The following RGS10 variants were observed in gnomAD, a reference collection of about 807,000 sequenced individuals.
RGS10 encodes the protein regulator of G-protein signalling 10.
Under a neutral mutation model 23.5 loss-of-function variants are expected in RGS10, and 11 were observed. The observed-to-expected ratio is 0.47, with a 90% CI of 0.29 to 0.77. The LOEUF (loss-of-function observed/expected upper bound fraction) is 0.77. RGS10 is among the 30% of genes least tolerant of loss of function. RGS10 has a pLI of 0.08. For missense variants in RGS10, 180 were observed against 226.3 expected, an observed-to-expected ratio of 0.80 and a Z score of 1.31; for synonymous variants, 77 against 83.2, an observed-to-expected ratio of 0.92 and a Z score of 0.41.
intron 1 of RGS10, among the ~76,000 whole-genome samples, chr10:119,537,330 C>T (rs571257959): frequency 4.8e-5 from 7 of 145,964 alleles, no homozygotes; most frequent in South Asian, 2.1e-4. Context: ...TGCCGTGAGC[C>T]GAGATTGCGC....
intron 1 of RGS10, chr10:119,536,506 A>G (rs2133961406): frequency 1.2e-6 from 2 of 1,610,934 alleles, no homozygotes; most frequent in East Asian, 4.5e-5. Context: ...CACGCAGACC[A>G]ACAATCCACT....
At position 119,526,084 on chromosome 10, in the gene RGS10, A is replaced by C; in HGVS notation, c.203T>G (p.Val68Gly). The C allele has an allele frequency of 6.3e-7, 1 of 1,581,800 alleles. No homozygotes were observed. Among genetic ancestry groups the C allele is most frequent in the Non-Finnish European group, 8.6e-7 (1 of 1,160,946 alleles). The stretch of plus-strand genomic sequence containing the variant: ...ATCTTCACATGCTAGCCAAAACAAA[A>C]CATTTTCTTCACTGAATTCCTTTTT... ...FLKKEFSEEN[V>G]LFWLACEDFK... is the part of the protein sequence containing the mutation. Residue 68 changes from valine to glycine, a missense_variant, in exon 3 of 5, where the codon GTT becomes GGT. Physicochemically the swap from Val to Gly is moderately radical, Grantham distance 109 (BLOSUM62 -3). Transcript: ENST00000369103.
chr10:119,537,201 C>A (rs999548035), intron 1 of RGS10, among the ~76,000 whole-genome samples: 3 of 151,618 alleles, frequency 2.0e-5, no homozygotes, highest in Admixed American at 1.3e-4. Context: ...GAGACCAGCC[C>A]GACCAATGTG....
In RGS10 at chr10:119,500,230, G is replaced by A; in HGVS notation, c.429C>T (p.Tyr143=). ...ACAAGTCAGACTTTAAGAAGCGGCT[G>A]TAGCTGTCGTACTTCATGAGATTAA... is the stretch of plus-strand genomic sequence containing the variant. The part of the protein sequence containing the change: ...QIFNLMKYDS[Y]SRFLKSDLFL... Residue 143 remains tyrosine, a synonymous_variant, in exon 5 of 5, where the codon TAC becomes TAT. Coordinates refer to ENST00000369103, the MANE Select transcript of RGS10 (RefSeq NM_001005339.2). 1 of 1,613,760 alleles carries A rather than the reference G, an allele frequency of 6.2e-7. No individual in the cohort carries two copies. The highest frequency in any genetic ancestry group is 8.5e-7 in the Non-Finnish European group (1 of 1,179,946).
chr10:119,500,337 T>A, intron 4 of RGS10, 78 bp from the exon 5 acceptor site: 2 of 1,317,868 alleles, frequency 1.5e-6, no homozygotes, highest in East Asian at 4.7e-5. Flanking sequence ...TATGTATTAA[T>A]ACCTACCATG....
intron 1 of RGS10, among the ~76,000 whole-genome samples, chr10:119,534,189 G>C (rs982137095): frequency 9.9e-5 from 15 of 151,690 alleles, no homozygotes; most frequent in Admixed American, 7.9e-4. Context: ...CCGGGAGGCG[G>C]AGGTTGCAGT....
At chr10:119,541,314 C>G (rs116555178) in intron 1 of RGS10, among the ~76,000 whole-genome samples, 56 of 152,314 alleles carry the variant, frequency 3.7e-4, no homozygotes, top group African/African-American at 1.3e-3. Context: ...TTTACATGAC[C>G]ACTAACGCTA....
rs950026259 is a variant in RGS10, at chr10:119,524,663, C to T, written c.255+1369G>A. Among the ~76,000 whole-genome samples, 7 of 152,160 alleles carry T rather than the reference C, an allele frequency of 4.6e-5. No individual in the cohort carries two copies. Among genetic ancestry groups the T allele is most frequent in the Non-Finnish European group, 5.9e-5 (4 of 68,018 alleles). On this transcript the variant is annotated intron_variant, in intron 3 of 4. Transcript: ENST00000369103. This position sits in a 1 kb window ranked among gnomAD's most constrained non-coding sequence, Gnocchi z 5.2. ...AAAGCATCCCCCACCACCTGCTTCT[C>T]ACTTTCCCCTGGGGCCCCTCTCTGC...
At chr10:119,519,717 C>T (rs1844191436) in intron 3 of RGS10, among the ~76,000 whole-genome samples, 1 of 141,596 alleles carries the variant, frequency 7.1e-6, no homozygotes, top group Non-Finnish European at 1.5e-5. Context: ...CCCCCAGCTC[C>T]TGTCTCCCTG....
chr10:119,500,049 C>A lies in RGS10; in HGVS notation c.*64G>T, dbSNP rs577887280. 3.9e-6 allele frequency: 6 copies of A among 1,549,392 alleles called. No individual in the cohort carries two copies. Among genetic ancestry groups the A allele is most frequent in the African/African-American group, 1.4e-5 (1 of 72,460 alleles). On this transcript the variant is annotated 3_prime_UTR_variant, in exon 5 of 5. Coordinates refer to ENST00000369103, the MANE Select transcript of RGS10 (RefSeq NM_001005339.2). ...ACAAATAACAAAGCAATGATAAACC[C>A]GGCACGGTCCTGAGAGGAAATTCCT...
intron 1 of RGS10, among the ~76,000 whole-genome samples, chr10:119,534,286 A>G: frequency 9.3e-6 from 1 of 107,224 alleles, no homozygotes; most frequent in Non-Finnish European, 2.4e-5. Flanking sequence ...TAAATAAATA[A>G]ATAAATAAAT....
At chr10:119,506,609 G>C (rs1844015806) in intron 4 of RGS10, among the ~76,000 whole-genome samples, 1 of 152,228 alleles carries the variant, frequency 6.6e-6, no homozygotes, top group African/African-American at 2.4e-5. Context: ...TCTGCTGGGG[G>C]TGAAGGCATT....
intron 4 of RGS10, among the ~76,000 whole-genome samples, chr10:119,513,408 C>T (rs138331069): frequency 5.3e-5 from 8 of 152,048 alleles, no homozygotes; most frequent in Admixed American, 2.6e-4. Context: ...TGCACTGAGC[C>T]GGGTTCATGC....
intron 1 of RGS10, 65 bp downstream of exon 1, chr10:119,542,525 G>C: frequency 7.6e-7 from 1 of 1,319,106 alleles, no homozygotes; most frequent in South Asian, 1.7e-5. Flanking sequence ...AAGAGGGAGG[G>C]CAGGAGGCCG....
chr10:119,521,627 A>AAACGAAGG (rs1554858032), intron 3 of RGS10, among the ~76,000 whole-genome samples: 1 of 119,856 alleles, frequency 8.3e-6, no homozygotes, highest in Admixed American at 9.3e-5. Flanking sequence ...GGAAGGAAAG[A>AAACGAAGG]AAGGAAGGAA....
At chr10:119,515,168 G>T (rs17098959) in intron 4 of RGS10, among the ~76,000 whole-genome samples, 7 of 151,934 alleles carry the variant, frequency 4.6e-5, no homozygotes, top group Admixed American at 2.0e-4. Flanking sequence ...GGAGTTTTCC[G>T]TCTATTCTTA....
At chr10:119,505,782 C>A (rs532406699) in intron 4 of RGS10, among the ~76,000 whole-genome samples, 2 of 152,228 alleles carry the variant, frequency 1.3e-5, no homozygotes, top group African/African-American at 2.4e-5. Flanking sequence ...CCATTCATTG[C>A]GTTTCAAGCC....
intron 3 of RGS10, 104 bp from the exon 4 acceptor site, chr10:119,515,756 A>G: frequency 7.1e-7 from 1 of 1,399,724 alleles, no homozygotes; most frequent in Non-Finnish European, 9.7e-7. Flanking sequence ...CTGTGGCAAG[A>G]GAAAGGCACC....
At chr10:119,528,933 A>C (rs1441433006) in intron 1 of RGS10, among the ~76,000 whole-genome samples, 1 of 152,144 alleles carries the variant, frequency 6.6e-6, no homozygotes. Context: ...GTGCACAGAG[A>C]AAATGGATGA....
Sources: gnomAD v4.1 joint callset for allele counts (sites outside exome capture counted in the v4.1 genomes callset) on GRCh38, gnomAD v4.1.1 for gene constraint, Gnocchi (gnomAD v3.1) non-coding constraint, MANE v1.5 for transcripts, NCBI Gene and HGNC (gene_info 2026-07-23, HGNC 2026-07-21) for gene names.